MDGA2: variants seen among roughly 807,000 people sequenced by gnomAD.
MDGA2 encodes the protein MAM domain-containing glycosylphosphatidylinositol anchor protein 2.
Under a neutral mutation model 117.8 loss-of-function variants are expected in MDGA2, and 40 were observed. The ratio of observed to expected loss-of-function variants is 0.34; its 90% CI spans 0.26 to 0.44. The LOEUF (loss-of-function observed/expected upper bound fraction) is 0.44, where lower values mean the gene tolerates loss of function less well. MDGA2 is among the 20% of genes least tolerant of loss of function. The pLI, the probability that MDGA2 is intolerant of heterozygous loss-of-function variation, is 1.00. For missense variants in MDGA2, 1,123 were observed against 1,250.6 expected (o/e 0.90, Z 1.54); for synonymous variants, 452 against 439.0 (o/e 1.03, Z -0.37).
intron 1 of MDGA2, among the ~76,000 whole-genome samples, chr14:47,389,272 T>A (rs1891834817): frequency 1.3e-5 from 2 of 152,104 alleles, no homozygotes; most frequent in Admixed American, 1.3e-4. Context: ...TGCTGTATGG[T>A]CAAAATATAG....
intron 8 of MDGA2, among the ~76,000 whole-genome samples, chr14:47,023,196 CG>C (rs1888350999): frequency 1.4e-5 from 1 of 73,402 alleles, no homozygotes; most frequent in Non-Finnish European, 2.7e-5. Context: ...TATTCCCACT[CG>C]TAAAAAAAAA....
At chr14:47,455,867 G>C (rs966948528) in intron 1 of MDGA2, among the ~76,000 whole-genome samples, 3 of 151,794 alleles carry the variant, frequency 2.0e-5, no homozygotes. Flanking sequence ...TATAGTGGTG[G>C]GTGCCTGTAA....
chr14:47,442,678 C>G (rs1157442859), intron 1 of MDGA2, among the ~76,000 whole-genome samples: 3 of 152,088 alleles, frequency 2.0e-5, no homozygotes, highest in African/African-American at 7.2e-5. Flanking sequence ...TGAAGCCCAG[C>G]ATATACTCTA....
chr14:47,172,061 GAT>G (rs1193086170), intron 3 of MDGA2, among the ~76,000 whole-genome samples: 1 of 152,136 alleles, frequency 6.6e-6, no homozygotes. Context: ...AGTGGTCTGA[GAT>G]CAAACTGCAA....
intron 6 of MDGA2, among the ~76,000 whole-genome samples, chr14:47,063,644 A>G (rs920731518): frequency 2.0e-5 from 3 of 152,064 alleles, no homozygotes; most frequent in Admixed American, 6.6e-5. Flanking sequence ...TATTAGCACC[A>G]TAACAGTTAA....
chr14:46,888,041 T>A (rs1566508940), intron 10 of MDGA2, among the ~76,000 whole-genome samples: 1 of 151,908 alleles, frequency 6.6e-6, no homozygotes, highest in African/African-American at 2.4e-5. Context: ...AGTCAGGAGA[T>A]ACGTTGATGT....
chr14:47,469,325 G>A (rs1893669632), intron 1 of MDGA2, among the ~76,000 whole-genome samples: 1 of 151,914 alleles, frequency 6.6e-6, no homozygotes, highest in Non-Finnish European at 1.5e-5. Context: ...CCCACAACAG[G>A]CCCTGGTGTG....
intron 1 of MDGA2, among the ~76,000 whole-genome samples, chr14:47,519,738 C>T (rs1039571709): frequency 1.9e-4 from 29 of 152,214 alleles, no homozygotes; most frequent in South Asian, 1.9e-3. Flanking sequence ...TATGAGTTTA[C>T]ACCATATATG....
intron 8 of MDGA2, among the ~76,000 whole-genome samples, chr14:46,971,692 T>C (rs952500422): frequency 3.9e-5 from 6 of 152,060 alleles, no homozygotes; most frequent in African/African-American, 1.4e-4. Flanking sequence ...ATAATAAAAA[T>C]AGCTAAAAGA....
intron 2 of MDGA2, among the ~76,000 whole-genome samples, chr14:47,296,536 GA>G (rs1458912845): frequency 3.9e-5 from 6 of 152,132 alleles, no homozygotes; most frequent in African/African-American, 1.4e-4. Context: ...AAACATGTGG[GA>G]AAATGTTCAA....
At chr14:47,187,175 A>G (rs570610095) in intron 3 of MDGA2, among the ~76,000 whole-genome samples, 8 of 151,170 alleles carry the variant, frequency 5.3e-5, no homozygotes, top group African/African-American at 1.7e-4. Context: ...AATATGAAAG[A>G]AAAAAAAACG....
chr14:47,576,282 T>C (rs1896114055), intron 1 of MDGA2, among the ~76,000 whole-genome samples: 1 of 152,194 alleles, frequency 6.6e-6, no homozygotes, highest in South Asian at 2.1e-4. Flanking sequence ...AAGAATTAAA[T>C]ATGTATTTCT....
chr14:46,938,694 A>G lies in MDGA2; in HGVS notation c.2090-18534T>C, dbSNP rs779443068. Among the ~76,000 whole-genome samples, 4 of 152,092 alleles carry G rather than the reference A, an allele frequency of 2.6e-5. No homozygotes were observed. In the South Asian group the frequency reaches 8.3e-4, roughly 31 times the overall value. The stretch of plus-strand genomic sequence containing the variant: ...GTAAATTAATATAGCCACTACAGAG[A>G]AAAGTATGGAGGTTCCTCAAAAAAC... On this transcript the variant is annotated intron_variant, in intron 9 of 16. Coordinates refer to ENST00000399232, the MANE Select transcript of MDGA2 (RefSeq NM_001113498.3).
At chr14:47,250,940 A>G (rs1887424953) in intron 2 of MDGA2, among the ~76,000 whole-genome samples, 1 of 152,156 alleles carries the variant, frequency 6.6e-6, no homozygotes, top group African/African-American at 2.4e-5. Flanking sequence ...CCAGGCCACT[A>G]TTATTATCTC....
At chr14:47,416,580 GC>G (rs1198436472) in intron 1 of MDGA2, among the ~76,000 whole-genome samples, 1 of 152,160 alleles carries the variant, frequency 6.6e-6, no homozygotes, top group Non-Finnish European at 1.5e-5. Flanking sequence ...ACTAGGCACT[GC>G]CCTAGTGGGG....
chr14:46,960,580 T>A (rs908864043), intron 8 of MDGA2: 2 of 151,910 alleles, frequency 1.3e-5, no homozygotes, highest in African/African-American at 4.8e-5. Flanking sequence ...TAATCCATGA[T>A]TAGTGATGTG....
intron 1 of MDGA2, among the ~76,000 whole-genome samples, chr14:47,547,270 G>A (rs1241130594): frequency 6.6e-6 from 1 of 152,142 alleles, no homozygotes; most frequent in Non-Finnish European, 1.5e-5. Flanking sequence ...AAAAGGTAAT[G>A]GGCAGAATTG....
In MDGA2 at chr14:47,144,142, C is replaced by G; in HGVS notation, c.728G>C (p.Gly243Ala). The stretch of plus-strand genomic sequence containing the variant: ...AGATCCTTGCAGCAAGACCTCCTGG[C>G]CACGTCTCCAGCTATACCGAACAGG... ...NPPVRYSWRR[G>A]QEVLLQGSDK... Residue 243 changes from glycine to alanine, a missense_variant, in exon 4 of 17, where the codon GGC (glycine) becomes GCC (alanine). By Grantham distance (60) the Gly-to-Ala change is moderately conservative (BLOSUM62 0). Transcript: ENST00000399232. 1 of 1,551,170 alleles carries G rather than the reference C, an allele frequency of 6.4e-7. No individual in the cohort carries two copies. Among genetic ancestry groups the G allele is most frequent in the South Asian group, 1.2e-5 (1 of 83,994 alleles).
intron 5 of MDGA2, among the ~76,000 whole-genome samples, chr14:47,106,550 C>T (rs1202709076): frequency 6.6e-6 from 1 of 151,920 alleles, no homozygotes; most frequent in Non-Finnish European, 1.5e-5. Context: ...CACTGAAAAT[C>T]GGACTGTTCA....
Sources: allele counts gnomAD v4.1 joint callset (sites outside exome capture counted in the v4.1 genomes callset), GRCh38; gene constraint gnomAD v4.1.1; transcripts MANE v1.5; gene names NCBI Gene and HGNC (gene_info 2026-07-23, HGNC 2026-07-21).